PDE3B: variants seen among roughly 807,000 people sequenced by gnomAD.
PDE3B encodes the protein phosphodiesterase 3B, also known as cGMP-inhibited 3',5'-cyclic phosphodiesterase 3B.
A neutral mutation model predicts 116.8 loss-of-function variants in PDE3B; 66 were observed. That is an observed-to-expected ratio of 0.56 (90% CI 0.46 to 0.69). The LOEUF is 0.69. Among genes scored for constraint, PDE3B ranks in the 30% least tolerant of loss-of-function variants. PDE3B has a pLI of 0.00. For missense variants in PDE3B, 1,384 were observed against 1,368.1 expected, an observed-to-expected ratio of 1.01 and a Z score of -0.18; for synonymous variants, 595 against 533.6, an observed-to-expected ratio of 1.12 and a Z score of -1.59.
At chr11:14,729,123 G>A (rs1856392418) in intron 1 of PDE3B, among the ~76,000 whole-genome samples, 1 of 152,132 alleles carries the variant, frequency 6.6e-6, no homozygotes, top group Non-Finnish European at 1.5e-5. Flanking sequence ...AAGATCAAAT[G>A]TTTCCTGGAG....
At chr11:14,646,691 T>C (rs2133741299) in intron 1 of PDE3B, among the ~76,000 whole-genome samples, 1 of 152,292 alleles carries the variant, frequency 6.6e-6, no homozygotes, top group African/African-American at 2.4e-5. Context: ...TGTAATTTGT[T>C]GGTGCGGTAA....
rs1208194855 is a variant in PDE3B, at chr11:14,818,411, T to C, written c.1733+18T>C. ...TGTAACAGGTAAGTTTCCCAACTGT[T>C]TATTATTTCTGTTTCAAAATGTTGA... On this transcript the variant is annotated intron_variant, in intron 6 of 15. Transcript: ENST00000282096. The C allele has an allele frequency of 1.3e-6, 2 of 1,523,106 alleles. No homozygotes were observed. Among genetic ancestry groups the C allele is most frequent in the Non-Finnish European group, 1.8e-6 (2 of 1,097,748 alleles). 94.3% of individuals were successfully genotyped at this position (1,523,106 alleles called of 1,614,324 possible). A position where few individuals can be genotyped will look rare whatever the true frequency, so the allele number is the denominator to read the frequency against.
At chr11:14,796,616 C>T (rs1240511119) in intron 4 of PDE3B, among the ~76,000 whole-genome samples, 4 of 152,202 alleles carry the variant, frequency 2.6e-5, no homozygotes, top group Non-Finnish European at 5.9e-5. Context: ...TCTGTAAGGA[C>T]CAGTGATAAT....
At chr11:14,685,703 G>T (rs1045873863) in intron 1 of PDE3B, among the ~76,000 whole-genome samples, 1 of 151,858 alleles carries the variant, frequency 6.6e-6, no homozygotes, top group African/African-American at 2.4e-5. Context: ...TGATCCACGC[G>T]CCTTGACCTC....
intron 1 of PDE3B, among the ~76,000 whole-genome samples, chr11:14,669,047 AAG>A (rs751235461): frequency 2.0e-5 from 3 of 152,156 alleles, no homozygotes; most frequent in Non-Finnish European, 4.4e-5. Flanking sequence ...TGATTTATAA[AAG>A]AGTGGGAAGT....
At chr11:14,648,253 A>G (rs1853468646) in intron 1 of PDE3B, among the ~76,000 whole-genome samples, 1 of 152,092 alleles carries the variant, frequency 6.6e-6, no homozygotes, top group Admixed American at 6.5e-5. Context: ...ATATTTTTCT[A>G]TACCTTTAGT....
intron 1 of PDE3B, among the ~76,000 whole-genome samples, chr11:14,673,282 C>T (rs964073994): frequency 1.3e-5 from 2 of 151,636 alleles, no homozygotes; most frequent in African/African-American, 2.4e-5. Flanking sequence ...TATAAAAGTG[C>T]GTAGTGTCAA....
intron 1 of PDE3B, among the ~76,000 whole-genome samples, chr11:14,666,761 A>C (rs1221822299): frequency 5.3e-5 from 8 of 152,122 alleles, no homozygotes; most frequent in African/African-American, 1.9e-4. Context: ...TTAGAATGAC[A>C]ATCATTAAAA....
chr11:14,706,120 C>T (rs1385348241), intron 1 of PDE3B, among the ~76,000 whole-genome samples: 2 of 151,460 alleles, frequency 1.3e-5, no homozygotes, highest in East Asian at 3.9e-4. Context: ...CCTTTCTCCC[C>T]CTCTCCTTCC....
At chr11:14,857,024 T>C (rs975666125) in intron 12 of PDE3B, among the ~76,000 whole-genome samples, 7 of 152,202 alleles carry the variant, frequency 4.6e-5, no homozygotes, top group Admixed American at 4.6e-4. Flanking sequence ...GTTTTCTCTT[T>C]TTGTTCTTAT....
rs1859397894 is a variant in PDE3B, at chr11:14,818,327, G to A, written c.1667G>A (p.Gly556Asp). ...KPSVILQRSL[G>D]NAPNTPDFYQ... Reference sequence around the variant, plus strand: ...AGCGTTATCTTGCAGAGATCTCTGGGCAATGCACCTAATACTCCAGATTTT... The same window carrying A: ...AGCGTTATCTTGCAGAGATCTCTGGACAATGCACCTAATACTCCAGATTTT... Residue 556 changes from glycine (G) to aspartate (D), a missense_variant, in exon 6 of 16, where the codon GGC becomes GAC. Physicochemically the swap from Gly to Asp is moderately conservative, Grantham distance 94. Transcript: ENST00000282096. The A allele has an allele frequency of 6.2e-7, 1 of 1,613,432 alleles. No homozygotes were observed. The highest frequency in any genetic ancestry group is 1.1e-5 in the South Asian group (1 of 91,074).
At chr11:14,784,732 A>G (rs926607335) in intron 2 of PDE3B, among the ~76,000 whole-genome samples, 1 of 152,088 alleles carries the variant, frequency 6.6e-6, no homozygotes, top group Non-Finnish European at 1.5e-5. Flanking sequence ...AAAATTGACC[A>G]TGAAAAAAAG....
intron 1 of PDE3B, among the ~76,000 whole-genome samples, chr11:14,647,700 A>C (rs1240398448): frequency 6.6e-6 from 1 of 152,026 alleles, no homozygotes; most frequent in Non-Finnish European, 1.5e-5. Context: ...TCATTTCCTT[A>C]AGAATTTAAA....
intron 15 of PDE3B, among the ~76,000 whole-genome samples, chr11:14,869,188 T>C (rs1848100972): frequency 6.6e-6 from 1 of 152,154 alleles, no homozygotes; most frequent in Non-Finnish European, 1.5e-5. Context: ...ACCTCTTCTC[T>C]ATTTTGTTTT....
chr11:14,655,712 G>A (rs1853699620), intron 1 of PDE3B, among the ~76,000 whole-genome samples: 2 of 152,146 alleles, frequency 1.3e-5, no homozygotes, highest in Non-Finnish European at 2.9e-5. Context: ...CTTTATAGAG[G>A]AGGCATTTGA....
chr11:14,792,618 C>G (rs1171455476), intron 4 of PDE3B, among the ~76,000 whole-genome samples: 1 of 152,102 alleles, frequency 6.6e-6, no homozygotes, highest in African/African-American at 2.4e-5. Context: ...TATTGTTCAT[C>G]TGTTAGAGGA....
At chr11:14,688,960 G>A (rs1158621652) in intron 1 of PDE3B, among the ~76,000 whole-genome samples, 2 of 151,980 alleles carry the variant, frequency 1.3e-5, no homozygotes, top group African/African-American at 4.8e-5. Flanking sequence ...TTTAGTAGAG[G>A]TGAAGTTTCG....
intron 1 of PDE3B, among the ~76,000 whole-genome samples, chr11:14,745,235 T>C (rs1856881382): frequency 6.6e-6 from 1 of 152,210 alleles, no homozygotes; most frequent in Non-Finnish European, 1.5e-5. Flanking sequence ...TGTAATTAAA[T>C]ATCTGTGAAA....
At chr11:14,881,838 G>C in the PDE3B span, among the ~76,000 whole-genome samples, 3 of 151,704 alleles carry the variant, frequency 2.0e-5, no homozygotes, top group Non-Finnish European at 4.4e-5. Context: ...AAAGTGTGCA[G>C]AACCATGAGC....
Sources: gnomAD v4.1 joint callset for allele counts (sites outside exome capture counted in the v4.1 genomes callset) on GRCh38, gnomAD v4.1.1 for gene constraint, MANE v1.5 for transcripts, NCBI Gene and HGNC (gene_info 2026-07-23, HGNC 2026-07-21) for gene names.